GAS7: variants seen among roughly 807,000 people sequenced by gnomAD.
GAS7 encodes growth arrest-specific protein 7.
A neutral mutation model predicts 71.1 loss-of-function variants in GAS7; 28 were observed. That is an observed-to-expected ratio of 0.39 (90% CI 0.29 to 0.54). The LOEUF (loss-of-function observed/expected upper bound fraction) is 0.54, where lower values mean the gene tolerates loss of function less well. Ranked by LOEUF, GAS7 falls within the 20% of genes least tolerant of loss-of-function variation. GAS7 has a pLI of 0.62. For missense variants in GAS7, 436 were observed against 627.8 expected (o/e 0.69, Z 3.27); for synonymous variants, 258 against 245.8 (o/e 1.05, Z -0.46).
intron 8 of GAS7, among the ~76,000 whole-genome samples, chr17:9,935,021 T>C (rs1396780738): frequency 1.3e-5 from 2 of 152,188 alleles, no homozygotes; most frequent in African/African-American, 4.8e-5. Flanking sequence ...GTACTGGGAT[T>C]ACAGGCATAA....
At chr17:9,925,448 C>A (rs2067965332) in intron 11 of GAS7, 28 bp downstream of exon 11, 1 of 1,613,260 alleles carries the variant, frequency 6.2e-7, no homozygotes. Context: ...TGTGCACTGA[C>A]CAGGCCAGGC....
chr17:10,124,775 G>C (rs947105918), intron 1 of GAS7, among the ~76,000 whole-genome samples: 1 of 152,032 alleles, frequency 6.6e-6, no homozygotes, highest in African/African-American at 2.4e-5. Flanking sequence ...AAAATTAGCT[G>C]AGCATGGTGG....
In GAS7 at chr17:9,969,412, G is replaced by C. The variant is rs1377792946; in HGVS notation, c.471+265C>G. Among the ~76,000 whole-genome samples the C allele has an allele frequency of 1.3e-5, 2 of 152,130 alleles. No individual in the cohort carries two copies. Among genetic ancestry groups the C allele is most frequent in the Non-Finnish European group, 2.9e-5 (2 of 68,026 alleles). On this transcript the variant is annotated intron_variant, in intron 4 of 13. Transcript: ENST00000432992. This position sits in a 1 kb window ranked among gnomAD's most constrained non-coding sequence, Gnocchi z 5.5. Reference sequence around the variant, plus strand: ...TATCAGGAATCCAGACCAGAGAATGGAACTCTCTGTCCTAATGGTTTCAAC... The same window carrying C: ...TATCAGGAATCCAGACCAGAGAATGCAACTCTCTGTCCTAATGGTTTCAAC...
chr17:10,096,065 C>T (rs1417541822), intron 1 of GAS7, among the ~76,000 whole-genome samples: 1 of 152,150 alleles, frequency 6.6e-6, no homozygotes, highest in African/African-American at 2.4e-5. Flanking sequence ...TCTGCTCCCT[C>T]AGCAGCGTCT....
chr17:9,996,603 G>C (rs989970918), intron 2 of GAS7, among the ~76,000 whole-genome samples: 6 of 149,718 alleles, frequency 4.0e-5, no homozygotes, highest in African/African-American at 1.5e-4. Flanking sequence ...ATGTGTGTGT[G>C]TGTGTGTATA....
rs148277302 is a variant in GAS7, at chr17:10,040,083, G to A, written c.184-20186C>T. Among the ~76,000 whole-genome samples, 93 of 152,278 alleles carry A rather than the reference G, an allele frequency of 6.1e-4. 2 individuals carry two copies. The highest frequency in any genetic ancestry group is 3.4e-3 in the Middle Eastern group (1 of 294). On this transcript the variant is annotated intron_variant, in intron 1 of 13. Coordinates refer to ENST00000432992, the MANE Select transcript of GAS7 (RefSeq NM_201433.2). ...ACTGAGCACTCACTTTGGACCAGGC[G>A]CTGTTCTATGCTTCACATGTTTCAT... is the stretch of plus-strand genomic sequence containing the variant.
At chr17:9,964,549 G>A (rs1470103000) in intron 4 of GAS7, among the ~76,000 whole-genome samples, 1 of 152,150 alleles carries the variant, frequency 6.6e-6, no homozygotes, top group Non-Finnish European at 1.5e-5. Context: ...CATCCACGAT[G>A]CTATTCCCTC....
At chr17:9,992,007 C>T (rs570522077) in intron 2 of GAS7, among the ~76,000 whole-genome samples, 2 of 152,326 alleles carry the variant, frequency 1.3e-5, no homozygotes, top group East Asian at 1.9e-4. Context: ...GTTAGAAATA[C>T]TGGTGCCCAG....
chr17:10,155,528 C>T (rs9904714), intron 1 of GAS7, among the ~76,000 whole-genome samples: 38,022 of 151,982 alleles, frequency 0.25, 4,818 homozygotes, highest in East Asian at 0.29. Context: ...CAGCAAATGG[C>T]CAGCCTCCAA....
chr17:10,021,793 A>C (rs1435596273), intron 1 of GAS7, among the ~76,000 whole-genome samples: 1 of 152,216 alleles, frequency 6.6e-6, no homozygotes, highest in African/African-American at 2.4e-5. Flanking sequence ...GATAGCCAAA[A>C]TATATGCAAG....
chr17:10,001,040 C>T (rs2071250475), intron 2 of GAS7, among the ~76,000 whole-genome samples: 1 of 151,750 alleles, frequency 6.6e-6, no homozygotes, highest in Non-Finnish European at 1.5e-5. Context: ...AAGCCCTGGG[C>T]CTTTTCAGGC....
chr17:10,169,416 C>T (rs367693625), intron 1 of GAS7, among the ~76,000 whole-genome samples: 1 of 152,176 alleles, frequency 6.6e-6, no homozygotes, highest in Admixed American at 6.5e-5. Context: ...GCAAACACAG[C>T]CATGCTACAG....
At chr17:9,945,035 C>T (rs754190511) in intron 6 of GAS7, among the ~76,000 whole-genome samples, 2 of 152,100 alleles carry the variant, frequency 1.3e-5, no homozygotes, top group African/African-American at 2.4e-5. Context: ...TCACAAGTGT[C>T]GCCCTCCGGA....
intron 1 of GAS7, chr17:10,059,647 G>C: frequency 1.1e-5 from 11 of 975,428 alleles, no homozygotes; most frequent in Non-Finnish European, 1.3e-5. Flanking sequence ...TTAGCTTCGA[G>C]CATCTGCATC....
intron 1 of GAS7, among the ~76,000 whole-genome samples, chr17:10,044,310 C>T (rs1013997669): frequency 6.6e-6 from 1 of 152,226 alleles, no homozygotes; most frequent in Admixed American, 6.5e-5. Flanking sequence ...ATCAGCATCA[C>T]ATGACAAGCC....
In GAS7 at chr17:9,984,855, G is replaced by A. The variant is rs76807392; in HGVS notation, c.305-2971C>T. Among the ~76,000 whole-genome samples the A allele has an allele frequency of 2.3e-3, 353 of 152,312 alleles. 2 individuals are homozygous for A. The highest frequency in any genetic ancestry group is 7.8e-3 in the African/African-American group (325 of 41,562). ...AGCTTCGATGAGCAAAAGCAGCGAG[G>A]TGGGCATCCCCAGGAGCAGATGCAC... On this transcript the variant is annotated intron_variant, in intron 2 of 13. Transcript: ENST00000432992.
chr17:10,170,242 A>C (rs992136463), intron 1 of GAS7, among the ~76,000 whole-genome samples: 3 of 151,652 alleles, frequency 2.0e-5, no homozygotes, highest in Non-Finnish European at 2.9e-5. Context: ...TCCTCTGCTC[A>C]ATGGCTCCCC....
rs933715246 is a variant in GAS7 at position 9,959,875 on chromosome 17, G to A, written c.472-620C>T. ...TCTTCCACCGCCAGTAAGAAAACCA[G>A]AGTCCCAAGTACCTCTGAGCCTGGG... is the stretch of plus-strand genomic sequence containing the variant. On this transcript the variant is annotated intron_variant, in intron 4 of 13. Transcript: ENST00000432992. The surrounding 1 kb of genome is among the most constrained non-coding windows in gnomAD (Gnocchi z 5.0). Among the ~76,000 whole-genome samples, 19 of 152,274 alleles carry A rather than the reference G, an allele frequency of 1.2e-4. No homozygotes were observed. Among genetic ancestry groups the A allele is most frequent in the African/African-American group, 4.3e-4 (18 of 41,546 alleles).
chr17:9,979,505 A>G (rs1312307044), intron 3 of GAS7, among the ~76,000 whole-genome samples: 1 of 152,204 alleles, frequency 6.6e-6, no homozygotes, highest in African/African-American at 2.4e-5. Context: ...CAGGCCTCTA[A>G]GCCAGGGACC....
Sources: gnomAD v4.1 joint callset for allele counts (sites outside exome capture counted in the v4.1 genomes callset) on GRCh38, gnomAD v4.1.1 for gene constraint, Gnocchi (gnomAD v3.1) non-coding constraint, MANE v1.5 for transcripts, NCBI Gene and HGNC (gene_info 2026-07-23, HGNC 2026-07-21) for gene names.